The following MXI1 variants were observed in gnomAD, a reference collection of about 807,000 sequenced individuals.
MXI1 encodes the protein MAX interactor 1, dimerization protein.
In MXI1, 18 loss-of-function variants were observed where a neutral mutation model predicts 36.9. That is an observed-to-expected ratio of 0.49 (90% CI 0.34 to 0.72). MXI1 has a LOEUF of 0.72. Among genes scored for constraint, MXI1 ranks in the 30% least tolerant of loss-of-function variants. The pLI, the probability that MXI1 is intolerant of heterozygous loss-of-function variation, is 0.01. For synonymous variants in MXI1, 160 were observed against 146.7 expected (o/e 1.09, Z -0.65); for missense variants, 304 against 379.1 (o/e 0.80, Z 1.64).
intron 1 of MXI1, among the ~76,000 whole-genome samples, chr10:110,212,732 T>TCATTGTCAAA (rs1222759006): frequency 7.9e-5 from 12 of 152,226 alleles, no homozygotes; most frequent in African/African-American, 2.9e-4. Context: ...GACCCTCATA[T>TCATTGTCAAA]CATTGTCAAA....
chr10:110,235,341 G>A (rs980469903), intron 2 of MXI1, among the ~76,000 whole-genome samples: 1 of 152,070 alleles, frequency 6.6e-6, no homozygotes, highest in Non-Finnish European at 1.5e-5. Context: ...TCATCTCTGA[G>A]TACTTTATGG....
chr10:110,262,321 A>G lies in MXI1; in HGVS notation c.438-16859A>G, dbSNP rs113605606. ...ATTTAAGGTATAGAGGAGGATGTACATAGGTTATATGCAAATATTACACCA... is the reference window on the plus strand; with the variant it reads ...ATTTAAGGTATAGAGGAGGATGTACGTAGGTTATATGCAAATATTACACCA... On this transcript the variant is annotated intron_variant, in intron 3 of 5. Coordinates refer to ENST00000332674, the MANE Select transcript of MXI1 (RefSeq NM_130439.3). Among the ~76,000 whole-genome samples the G allele has an allele frequency of 6.7e-3, 1,024 of 152,292 alleles. 10 individuals are homozygous for G. The highest frequency in any genetic ancestry group is 0.011 in the Non-Finnish European group (779 of 67,970).
At chr10:110,274,191 C>T (rs746183560) in intron 3 of MXI1, among the ~76,000 whole-genome samples, 1 of 152,130 alleles carries the variant, frequency 6.6e-6, no homozygotes, top group Non-Finnish European at 1.5e-5. Context: ...TACCAATCTA[C>T]CAAAATAAAA....
chr10:110,226,223 A>C, intron 1 of MXI1: 1 of 1,493,168 alleles, frequency 6.7e-7, no homozygotes. Flanking sequence ...GGAGCGGGTG[A>C]AGATGATCAA....
chr10:110,261,205 A>G, intron 3 of MXI1: 5 of 855,978 alleles, frequency 5.8e-6, no homozygotes, highest in Non-Finnish European at 7.0e-6. Flanking sequence ...CTTTTAAATA[A>G]TGTCCTCACT....
At chr10:110,280,267 T>A (rs1857186553) in intron 5 of MXI1, among the ~76,000 whole-genome samples, 182 bp downstream of exon 5, 1 of 151,640 alleles carries the variant, frequency 6.6e-6, no homozygotes, top group Admixed American at 6.6e-5. Context: ...TTTTTGTTTT[T>A]TCCTTGAAAA....
At chr10:110,260,427 G>A (rs1856470174) in intron 3 of MXI1, among the ~76,000 whole-genome samples, 1 of 66,594 alleles carries the variant, frequency 1.5e-5, no homozygotes, top group Non-Finnish European at 3.0e-5. Flanking sequence ...GTGTGTGTGT[G>A]TGTGTGTGTG....
chr10:110,245,852 A>C (rs1337191881), intron 3 of MXI1: 1 of 152,206 alleles, frequency 6.6e-6, no homozygotes, highest in Non-Finnish European at 1.5e-5. Flanking sequence ...AGATAGAAGT[A>C]GACAAAGTAA....
At position 110,228,293 on chromosome 10, in the gene MXI1, G is replaced by A. The variant is rs1855135748; in HGVS notation, c.379G>A (p.Gly127Arg). The A allele has an allele frequency of 3.1e-6, 5 of 1,614,116 alleles. No individual in the cohort carries two copies. The highest frequency in any genetic ancestry group is 1.7e-5 in the Admixed American group (1 of 60,036). ...RLSRAQKHSS[G>R]SSNTSTANRS... ...GAGCCGGGCACAGAAACACAGCAGC[G>A]GGAGCAGCAACACCAGCACTGCCAA... The change falls in exon 2 of 6, where the codon GGG becomes AGG. Residue 127 changes from glycine (G) to arginine (R), a missense_variant. This residue lies in a region of MXI1 where 179 missense variants were observed against 184.8 expected (regional missense o/e 0.97). Coordinates refer to ENST00000332674, the MANE Select transcript of MXI1 (RefSeq NM_130439.3).
At chr10:110,226,014 C>T in intron 1 of MXI1, 1 of 982,254 alleles carries the variant, frequency 1.0e-6, no homozygotes, top group Non-Finnish European at 1.2e-6. Context: ...CACGCGCGGG[C>T]TGCCCGCGGC....
chr10:110,209,744 A>G (rs1323203805), intron 1 of MXI1, among the ~76,000 whole-genome samples: 3 of 151,946 alleles, frequency 2.0e-5, no homozygotes, highest in African/African-American at 7.3e-5. Context: ...AGCTGGGTGA[A>G]GACGTGGTTT....
intron 1 of MXI1, chr10:110,226,122 G>C: frequency 8.0e-7 from 1 of 1,247,840 alleles, no homozygotes; most frequent in South Asian, 2.4e-5. Context: ...ACATGTTCCG[G>C]AACGGCGCCC....
At chr10:110,236,499 A>C (rs937511349) in intron 2 of MXI1, among the ~76,000 whole-genome samples, 3 of 152,110 alleles carry the variant, frequency 2.0e-5, no homozygotes, top group Non-Finnish European at 2.9e-5. Context: ...TCTTTCACCC[A>C]GGCTGGAGTG....
chr10:110,251,870 A>G (rs760900677), intron 3 of MXI1, among the ~76,000 whole-genome samples: 3 of 152,172 alleles, frequency 2.0e-5, no homozygotes, highest in African/African-American at 7.2e-5. Flanking sequence ...GCAGAGTCTT[A>G]TCAGATTAGT....
At chr10:110,242,811 C>G (rs1214760482) in intron 2 of MXI1, among the ~76,000 whole-genome samples, 1 of 151,898 alleles carries the variant, frequency 6.6e-6, no homozygotes, top group African/African-American at 2.4e-5. Context: ...GTGGGATTGC[C>G]AGACTGTTTA....
chr10:110,242,372 G>T (rs1257281158), intron 2 of MXI1, among the ~76,000 whole-genome samples: 1 of 151,890 alleles, frequency 6.6e-6, no homozygotes, highest in Non-Finnish European at 1.5e-5. Flanking sequence ...AACACTGAAG[G>T]TACTCAGTAT....
At chr10:110,284,678 C>A in intron 5 of MXI1, 146 bp from the exon 6 acceptor site, 1 of 777,976 alleles carries the variant, frequency 1.3e-6, no homozygotes, top group Non-Finnish European at 1.9e-6. Context: ...CCTGTCTCTT[C>A]ACCTTGTTCC....
chr10:110,235,845 T>C (rs113060989), intron 2 of MXI1, among the ~76,000 whole-genome samples: 7,986 of 148,988 alleles, frequency 0.054, 325 homozygotes, highest in Middle Eastern at 0.16. Context: ...CCGTCTCTAC[T>C]AAAACACAAA....
At chr10:110,217,925 A>G (rs1024562174) in intron 1 of MXI1, among the ~76,000 whole-genome samples, 4 of 152,228 alleles carry the variant, frequency 2.6e-5, no homozygotes, top group African/African-American at 4.8e-5. Context: ...GGCCAGCACA[A>G]TGCTACGTGC....
Sources: gnomAD v4.1 joint callset for allele counts (sites outside exome capture counted in the v4.1 genomes callset) on GRCh38, gnomAD v4.1.1 for gene constraint, gnomAD v4.1.1 regional missense constraint, MANE v1.5 for transcripts, NCBI Gene and HGNC (gene_info 2026-07-23, HGNC 2026-07-21) for gene names.